Variants in ATP1A4 observed in about 807,000 individuals in gnomAD.
The protein encoded by ATP1A4 is sodium/potassium-transporting ATPase subunit alpha-4.
A neutral mutation model predicts 114.3 loss-of-function variants in ATP1A4; 90 were observed. The ratio of observed to expected loss-of-function variants is 0.79; its 90% CI spans 0.66 to 0.94. ATP1A4 has a LOEUF of 0.94. Among genes scored for constraint, ATP1A4 ranks in the 40% least tolerant of loss-of-function variants. ATP1A4 has a pLI of 0.00. For missense variants in ATP1A4, 1,222 were observed against 1,313.6 expected (o/e 0.93, Z 1.08); for synonymous variants, 511 against 494.1 (o/e 1.03, Z -0.45).
intron 17 of ATP1A4, chr1:160,177,258 C>G: frequency 7.2e-6 from 3 of 415,194 alleles, no homozygotes; most frequent in Non-Finnish European, 1.3e-5. Flanking sequence ...CCTCTAAAGT[C>G]CTTTTTAGTT....
chr1:160,159,074 G>T lies in ATP1A4; in HGVS notation c.598G>T (p.Glu200Ter). The T allele has an allele frequency of 6.2e-7, 1 of 1,614,154 alleles. No homozygotes were observed. The highest frequency in any genetic ancestry group is 8.5e-7 in the Non-Finnish European group (1 of 1,180,004). Residue 200 changes from glutamate to a stop codon, truncating the protein, a stop_gained, in exon 5 of 22, where the codon GAA (glutamate) becomes TAA (stop). Coordinates refer to ENST00000368081, the MANE Select transcript of ATP1A4 (RefSeq NM_144699.4). LOFTEE classifies it high-confidence loss of function. The part of the protein sequence containing the change: ...VQEVVLGDLV[E>*]IKGGDRVPAD... ...AGAGGTGGTGTTGGGAGACCTGGTG[G>T]AAATCAAGGGTGGAGACCGAGTCCC...
intron 6 of ATP1A4, among the ~76,000 whole-genome samples, chr1:160,160,429 C>G (rs1652830093): frequency 6.6e-6 from 1 of 152,116 alleles, no homozygotes; most frequent in Non-Finnish European, 1.5e-5. Flanking sequence ...GTTGGCCAGG[C>G]TGGTCTCGAA....
At chr1:160,166,894 C>A in intron 8 of ATP1A4, 74 bp from the exon 9 acceptor site, 2 of 1,530,832 alleles carry the variant, frequency 1.3e-6, no homozygotes, top group Non-Finnish European at 1.8e-6. Flanking sequence ...ATCTGGGTGC[C>A]AAAGAGGATG....
intron 18 of ATP1A4, among the ~76,000 whole-genome samples, chr1:160,180,434 C>A (rs1345395550): frequency 6.6e-6 from 1 of 152,148 alleles, no homozygotes; most frequent in African/African-American, 2.4e-5. Context: ...TTTAGATGCA[C>A]CCCTTCTGTG....
Position 160,184,425 on chromosome 1 carries a change from C to T in ATP1A4, c.2970-1851C>T, listed in dbSNP as rs534969111. On this transcript the variant is annotated intron_variant, in intron 20 of 21. Coordinates refer to ENST00000368081, the MANE Select transcript of ATP1A4 (RefSeq NM_144699.4). Reference sequence around the variant, plus strand: ...AGCCAGGTGTAGCGGTGCACACTGACGGTCCCAGCTACTCAGGAGGCTGAG... The same window carrying T: ...AGCCAGGTGTAGCGGTGCACACTGATGGTCCCAGCTACTCAGGAGGCTGAG... Among the ~76,000 whole-genome samples, 20 of 152,110 alleles carry T rather than the reference C, an allele frequency of 1.3e-4. 1 individual carries two copies. In the South Asian group the frequency reaches 2.5e-3, roughly 19 times the overall value.
intron 2 of ATP1A4, among the ~76,000 whole-genome samples, chr1:160,154,226 C>T (rs959961387): frequency 6.6e-6 from 1 of 152,098 alleles, no homozygotes; most frequent in East Asian, 1.9e-4. Flanking sequence ...TAGTGGCACA[C>T]ATCTGCAATC....
intron 12 of ATP1A4, 77 bp downstream of exon 12, chr1:160,171,834 G>C: frequency 2.1e-6 from 3 of 1,419,648 alleles, no homozygotes; most frequent in Non-Finnish European, 2.9e-6. Context: ...GCGCAGAGTA[G>C]ATGCTTAATA....
intron 7 of ATP1A4, 117 bp downstream of exon 7, chr1:160,164,541 A>C: frequency 8.5e-6 from 9 of 1,059,082 alleles, no homozygotes; most frequent in Non-Finnish European, 1.1e-5. Flanking sequence ...CTGATATGTA[A>C]ATAGGTATCA....
intron 4 of ATP1A4, 112 bp from the exon 5 acceptor site, chr1:160,158,890 A>T: frequency 8.6e-7 from 1 of 1,166,654 alleles, no homozygotes; most frequent in Non-Finnish European, 1.2e-6. Context: ...GGTGGGTGAC[A>T]GTAAGAAAGG....
At chr1:160,165,830 T>C (rs1653009902) in intron 7 of ATP1A4, among the ~76,000 whole-genome samples, 3 of 152,186 alleles carry the variant, frequency 2.0e-5, no homozygotes, top group South Asian at 4.1e-4. Flanking sequence ...ATGTGGTCCC[T>C]GGAAAGATTG....
intron 2 of ATP1A4, among the ~76,000 whole-genome samples, chr1:160,154,796 T>C (rs1301655589): frequency 6.6e-6 from 1 of 152,186 alleles, no homozygotes; most frequent in Non-Finnish European, 1.5e-5. Context: ...AGATAGGTTC[T>C]CAAGTTCAAA....
Position 160,156,038 on chromosome 1 carries a change from C to T in ATP1A4, c.412-7C>T. 6.3e-7 allele frequency: 1 copy of T among 1,580,832 alleles called. No homozygotes were observed. Among genetic ancestry groups the T allele is most frequent in the Non-Finnish European group, 8.7e-7 (1 of 1,149,830 alleles). On this transcript the variant is annotated splice_region_variant and splice_polypyrimidine_tract_variant and intron_variant, in intron 3 of 21. Transcript: ENST00000368081. The stretch of plus-strand genomic sequence containing the variant: ...CACTGATAAACGCTTTCTTTCCCCA[C>T]CCTCAGCTCTACCTGAGCATCGTAC...
chr1:160,173,594 C>T lies in ATP1A4; in HGVS notation c.1868C>T (p.Thr623Ile). 3 of 1,614,086 alleles carry T rather than the reference C, an allele frequency of 1.9e-6. No individual in the cohort carries two copies. In the East Asian group the frequency reaches 6.7e-5, roughly 36 times the overall value. Reference protein sequence around the residue: ...RSAGIKVIMVTGDHPITAKAI... With the variant: ...RSAGIKVIMVIGDHPITAKAI... ...TTCCCAACCCAGGTGATCATGGTAA[C>T]AGGAGATCATCCCATTACAGCTAAG... The change falls in exon 13 of 22, where the codon ACA becomes ATA. Residue 623 changes from threonine (T) to isoleucine (I), a missense_variant. Physicochemically the swap from Thr to Ile is moderately conservative, Grantham distance 89. Transcript: ENST00000368081.
At chr1:160,161,054 G>T (rs1652848175) in intron 6 of ATP1A4, among the ~76,000 whole-genome samples, 2 of 152,114 alleles carry the variant, frequency 1.3e-5, no homozygotes, top group East Asian at 3.9e-4. Context: ...GGAAGCAAGG[G>T]TCTGTTTAGA....
intron 17 of ATP1A4, 33 bp downstream of exon 17, chr1:160,176,635 A>G (rs1368624149): frequency 6.2e-7 from 1 of 1,603,942 alleles, no homozygotes. Context: ...TGGAGGGAGC[A>G]GGGAGTGGTT....
rs560520507 is a variant in ATP1A4, at chr1:160,161,850, C to T, written c.779-2306C>T. On this transcript the variant is annotated intron_variant, in intron 6 of 21. Coordinates refer to ENST00000368081, the MANE Select transcript of ATP1A4 (RefSeq NM_144699.4). Reference sequence around the variant, plus strand: ...GCTCTCAGACTCATACAGCTAAAGGCAACCTTAGAAAACGGAGACCACCAC... The same window carrying T: ...GCTCTCAGACTCATACAGCTAAAGGTAACCTTAGAAAACGGAGACCACCAC... Among the ~76,000 whole-genome samples, 44 of 152,282 alleles carry T rather than the reference C, an allele frequency of 2.9e-4. 2 individuals carry two copies. In the South Asian group the frequency reaches 8.5e-3, roughly 29 times the overall value.
At chr1:160,152,675 GT>G (rs1652499051) in intron 1 of ATP1A4, among the ~76,000 whole-genome samples, 1 of 152,206 alleles carries the variant, frequency 6.6e-6, no homozygotes, top group South Asian at 2.1e-4. Context: ...TGGTCAGGTG[GT>G]TAGGCAGGCT....
In ATP1A4 at chr1:160,175,929, G is replaced by A. The variant is rs182827828; in HGVS notation, c.2312-163G>A. On this transcript the variant is annotated intron_variant, in intron 15 of 21. Transcript: ENST00000368081. ...ACAGACGGCATGGCTCTGATTAAAA[G>A]GCACACAATTTAGAAACAATACTGG... 4.2e-3 allele frequency among the ~76,000 whole-genome samples: 633 copies of A among 152,244 alleles called. 4 individuals are homozygous for A. Among genetic ancestry groups the A allele is most frequent in the African/African-American group, 0.014 (580 of 41,550 alleles).
chr1:160,162,580 G>A (rs546202090), intron 6 of ATP1A4, among the ~76,000 whole-genome samples: 34 of 152,346 alleles, frequency 2.2e-4, no homozygotes, highest in African/African-American at 7.9e-4. Context: ...GGACAGGAGA[G>A]CTGTCTTGTG....
Sources: gnomAD v4.1 joint callset for allele counts (sites outside exome capture counted in the v4.1 genomes callset) on GRCh38, gnomAD v4.1.1 for gene constraint, MANE v1.5 for transcripts, NCBI Gene and HGNC (gene_info 2026-07-23, HGNC 2026-07-21) for gene names.